Variants in TTC29 observed in about 807,000 individuals in gnomAD.
TTC29 encodes tetratricopeptide repeat protein 29.
TTC29 carries 49 observed loss-of-function variants against 58.1 expected under a neutral mutation model. The observed-to-expected ratio is 0.84, with a 90% CI of 0.67 to 1.07. TTC29 has a LOEUF of 1.07. Ranked by LOEUF, TTC29 falls within the 50% of genes least tolerant of loss-of-function variation. TTC29 has a pLI of 0.00. For missense variants in TTC29, 582 were observed against 555.6 expected (o/e 1.05, Z -0.48); for synonymous variants, 209 against 196.8 (o/e 1.06, Z -0.52).
intron 11 of TTC29, among the ~76,000 whole-genome samples, chr4:146,708,326 A>ACACATGTATGTGTGTG (rs1338504792): frequency 2.5e-5 from 1 of 39,312 alleles, no homozygotes; most frequent in African/African-American, 5.7e-5. Flanking sequence ...ATATATATAT[A>ACACATGTATGTGTGTG]TATATATATA....
chr4:146,897,384 C>T (rs1181135866), intron 6 of TTC29, among the ~76,000 whole-genome samples: 1 of 152,122 alleles, frequency 6.6e-6, no homozygotes, highest in Non-Finnish European at 1.5e-5. Flanking sequence ...ATTGCAAAGG[C>T]TTGTCAGGGG....
At chr4:146,826,586 CTTGGGT>C (rs1727813603) in intron 9 of TTC29, among the ~76,000 whole-genome samples, 1 of 151,978 alleles carries the variant, frequency 6.6e-6, no homozygotes, top group South Asian at 2.1e-4. Flanking sequence ...GATCATGTTT[CTTGGGT>C]TTGATCTTCT....
At chr4:146,802,670 A>G (rs933038737) in intron 11 of TTC29, among the ~76,000 whole-genome samples, 4 of 152,208 alleles carry the variant, frequency 2.6e-5, no homozygotes, top group Non-Finnish European at 4.4e-5. Flanking sequence ...ATCAAATAGA[A>G]GATACTTCAC....
intron 8 of TTC29, among the ~76,000 whole-genome samples, chr4:146,846,610 A>T (rs943092962): frequency 1.3e-5 from 2 of 152,126 alleles, no homozygotes; most frequent in African/African-American, 4.8e-5. Context: ...ACCTTGAACG[A>T]AATGGTTTCT....
chr4:146,841,154 TCA>T (rs987990628), intron 8 of TTC29, among the ~76,000 whole-genome samples: 4 of 152,252 alleles, frequency 2.6e-5, no homozygotes, highest in East Asian at 3.9e-4. Flanking sequence ...TTAAAAAAAT[TCA>T]CAGTTTTTGT....
At chr4:146,932,232 A>T (rs1009008859) in intron 4 of TTC29, among the ~76,000 whole-genome samples, 1 of 152,088 alleles carries the variant, frequency 6.6e-6, no homozygotes, top group Non-Finnish European at 1.5e-5. Flanking sequence ...AGAGCACCAA[A>T]ATCTTCTTTT....
chr4:146,839,134 T>C (rs557290972), intron 8 of TTC29, among the ~76,000 whole-genome samples: 1 of 152,008 alleles, frequency 6.6e-6, no homozygotes, highest in Non-Finnish European at 1.5e-5. Context: ...CAGTGATGAC[T>C]TTTTTCATAA....
At chr4:146,903,036 T>C (rs1337496646) in intron 6 of TTC29, among the ~76,000 whole-genome samples, 2 of 152,186 alleles carry the variant, frequency 1.3e-5, no homozygotes, top group Non-Finnish European at 2.9e-5. Context: ...CCACTATATA[T>C]TATCTATTTC....
intron 4 of TTC29, among the ~76,000 whole-genome samples, chr4:146,920,369 A>G (rs1260946708): frequency 6.6e-6 from 1 of 151,150 alleles, no homozygotes; most frequent in African/African-American, 2.4e-5. Flanking sequence ...AATACTTTAA[A>G]CATATTAAAA....
chr4:146,896,025 T>C (rs1389912998), intron 6 of TTC29, among the ~76,000 whole-genome samples: 3 of 152,136 alleles, frequency 2.0e-5, no homozygotes, highest in African/African-American at 7.2e-5. Context: ...ATACTTAAAT[T>C]TTATACTGTG....
Position 146,870,747 on chromosome 4 carries a change from T to C in TTC29, c.800-3164A>G, listed in dbSNP as rs114717820. Among the ~76,000 whole-genome samples, 1,465 of 151,916 alleles carry C rather than the reference T, an allele frequency of 9.6e-3. 28 individuals carry two copies. The highest frequency in any genetic ancestry group is 0.033 in the African/African-American group (1,373 of 41,486). On this transcript the variant is annotated intron_variant, in intron 7 of 12. Transcript: ENST00000325106. ...AACAAGTTAGATAAAGTAGATGAAA[T>C]AGACAAATTCCTGGAAAGATACAAA... is the stretch of plus-strand genomic sequence containing the variant.
chr4:146,811,856 T>C (rs1751047296), intron 10 of TTC29, among the ~76,000 whole-genome samples: 1 of 152,180 alleles, frequency 6.6e-6, no homozygotes, highest in South Asian at 2.1e-4. Flanking sequence ...TAACACTATC[T>C]TATATGCCCA....
At chr4:146,877,112 A>T (rs1731317359) in intron 6 of TTC29, among the ~76,000 whole-genome samples, 1 of 152,156 alleles carries the variant, frequency 6.6e-6, no homozygotes, top group Non-Finnish European at 1.5e-5. Context: ...GGCCATGAGT[A>T]GGATATTATA....
intron 4 of TTC29, among the ~76,000 whole-genome samples, chr4:146,913,224 A>G (rs1158089132): frequency 6.6e-6 from 1 of 152,176 alleles, no homozygotes; most frequent in African/African-American, 2.4e-5. Flanking sequence ...GCCAAAATGA[A>G]GAAAATTATA....
intron 11 of TTC29, among the ~76,000 whole-genome samples, chr4:146,798,506 T>G (rs1284815480): frequency 1.3e-5 from 2 of 152,092 alleles, no homozygotes; most frequent in African/African-American, 4.8e-5. Context: ...AAGTTTCCTT[T>G]TGTGGAAACT....
At chr4:146,915,380 A>C (rs990085852) in intron 4 of TTC29, among the ~76,000 whole-genome samples, 1 of 152,082 alleles carries the variant, frequency 6.6e-6, no homozygotes, top group African/African-American at 2.4e-5. Context: ...ATCCATGTTT[A>C]GGTTGGGTTG....
chr4:146,818,919 C>T (rs1314731421), intron 10 of TTC29, among the ~76,000 whole-genome samples: 1 of 151,536 alleles, frequency 6.6e-6, no homozygotes, highest in East Asian at 1.9e-4. Flanking sequence ...GAACATCACA[C>T]TCTGGGGACT....
chr4:146,803,662 T>C lies in TTC29; in HGVS notation c.1125A>G (p.Glu375=), dbSNP rs2150119554. 1 of 1,593,048 alleles carries C rather than the reference T, an allele frequency of 6.3e-7. No individual in the cohort carries two copies. ...NEKGYYNKAS[E]CFQQAFDTTV... is the part of the protein sequence containing the mutation. ...TTGTGTCAAAAGCTTGCTGAAAGCA[T>C]TCAGAAGCTTTGTTGTAGTATCCCT... is the stretch of plus-strand genomic sequence containing the variant. The change falls in exon 11 of 13, where the codon GAA becomes GAG. Residue 375 remains glutamate (E), a synonymous_variant. Coordinates refer to ENST00000325106, the MANE Select transcript of TTC29 (RefSeq NM_031956.4).
At chr4:146,880,468 T>G (rs1731551779) in intron 6 of TTC29, among the ~76,000 whole-genome samples, 1 of 152,178 alleles carries the variant, frequency 6.6e-6, no homozygotes, top group African/African-American at 2.4e-5. Context: ...TGTTGTAAAC[T>G]GCAAAATGCT....
Sources: allele counts gnomAD v4.1 joint callset (sites outside exome capture counted in the v4.1 genomes callset), GRCh38; gene constraint gnomAD v4.1.1; transcripts MANE v1.5; gene names NCBI Gene and HGNC (gene_info 2026-07-23, HGNC 2026-07-21).